The following DIAPH3 variants were observed in gnomAD, a reference collection of about 807,000 sequenced individuals.
The protein encoded by DIAPH3 is diaphanous related formin 3.
In DIAPH3, 117 loss-of-function variants were observed where a neutral mutation model predicts 144.3. The observed-to-expected ratio is 0.81, with a 90% CI of 0.70 to 0.95. DIAPH3 has a LOEUF of 0.95. Among genes scored for constraint, DIAPH3 ranks in the 40% least tolerant of loss-of-function variants. The probability of loss-of-function intolerance (pLI) is 0.00; values close to 1 mark genes in which losing one functional copy is unlikely to be tolerated. For synonymous variants in DIAPH3, 519 were observed against 488.9 expected (o/e 1.06, Z -0.81); for missense variants, 1,421 against 1,412.7 (o/e 1.01, Z -0.09).
intron 21 of DIAPH3, among the ~76,000 whole-genome samples, chr13:59,873,684 T>C (rs556676667): frequency 6.6e-5 from 10 of 150,490 alleles, no homozygotes; most frequent in Non-Finnish European, 1.0e-4. Context: ...TTTCTTTTTT[T>C]TTTTTTTTTT....
chr13:59,839,536 A>G, intron 22 of DIAPH3, 88 bp from the exon 23 acceptor site: 4 of 1,237,338 alleles, frequency 3.2e-6, no homozygotes, highest in Non-Finnish European at 4.5e-6. Flanking sequence ...ATTCATGAAA[A>G]CAACTCACAA....
At chr13:59,818,306 G>A (rs958432958) in intron 24 of DIAPH3, among the ~76,000 whole-genome samples, 18 of 152,032 alleles carry the variant, frequency 1.2e-4, no homozygotes, top group African/African-American at 4.3e-4. Flanking sequence ...TCTACAAATA[G>A]TAGATAATTC....
At chr13:59,757,561 C>T (rs9538511) in intron 27 of DIAPH3, among the ~76,000 whole-genome samples, 38,877 of 151,516 alleles carry the variant, frequency 0.26, 5,308 homozygotes, top group African/African-American at 0.34. Flanking sequence ...CCACCACGCC[C>T]GGCTAATTTT....
chr13:59,962,441 G>A (rs891727732), intron 17 of DIAPH3, among the ~76,000 whole-genome samples: 22 of 152,256 alleles, frequency 1.4e-4, no homozygotes, highest in African/African-American at 5.3e-4. Flanking sequence ...CCATTCAGCC[G>A]CAAGGAGTGC....
At chr13:59,810,390 C>CT (rs138251092) in intron 25 of DIAPH3, among the ~76,000 whole-genome samples, 2 of 152,248 alleles carry the variant, frequency 1.3e-5, no homozygotes, top group Admixed American at 1.3e-4. Context: ...TCCTCCATCA[C>CT]TTTTTTTCCC....
At chr13:59,688,146 T>G (rs1052645165) in intron 27 of DIAPH3, among the ~76,000 whole-genome samples, 3 of 152,068 alleles carry the variant, frequency 2.0e-5, no homozygotes, top group Admixed American at 6.6e-5. Flanking sequence ...AAATGGCTAT[T>G]TTTGAAGGAA....
intron 21 of DIAPH3, among the ~76,000 whole-genome samples, chr13:59,863,562 G>A (rs2043731491): frequency 6.6e-6 from 1 of 152,052 alleles, no homozygotes; most frequent in Non-Finnish European, 1.5e-5. Flanking sequence ...ACTACTTATT[G>A]ATTCAAAAAC....
At chr13:59,926,222 A>C (rs1044647642) in intron 17 of DIAPH3, among the ~76,000 whole-genome samples, 1 of 152,062 alleles carries the variant, frequency 6.6e-6, no homozygotes, top group Non-Finnish European at 1.5e-5. Flanking sequence ...TCCTGCCCTC[A>C]AGTGATCCTC....
Position 59,879,436 on chromosome 13 carries a change from G to C in DIAPH3, c.2400C>G (p.Leu800=). 6.2e-7 allele frequency: 1 copy of C among 1,613,766 alleles called. No individual in the cohort carries two copies. Among genetic ancestry groups the C allele is most frequent in the Non-Finnish European group, 8.5e-7 (1 of 1,179,810 alleles). ...ACTGAAGCTTAAAGAGAATAGCACT[G>C]AGCCGTGGCCGTAGTCTCTTCACAT... is the stretch of plus-strand genomic sequence containing the variant. The part of the protein sequence containing the change: ...MSNVKRLRPR[L]SAILFKLQFE... The change falls in exon 21 of 28, where the codon CTC becomes CTG. Residue 800 remains leucine (L), a synonymous_variant. Coordinates refer to ENST00000400324, the MANE Select transcript of DIAPH3 (RefSeq NM_001042517.2).
intron 2 of DIAPH3, 64 bp downstream of exon 2, chr13:60,132,893 A>G (rs747719205): frequency 8.2e-6 from 11 of 1,339,146 alleles, no homozygotes; most frequent in Non-Finnish European, 1.2e-5. Flanking sequence ...TTAGCAGAGC[A>G]CACCATCAAC....
intron 27 of DIAPH3, among the ~76,000 whole-genome samples, chr13:59,764,411 C>T (rs191710240): frequency 6.6e-6 from 1 of 151,694 alleles, no homozygotes; most frequent in Non-Finnish European, 1.5e-5. Context: ...TTCCTGAGCC[C>T]TCAGAGTCCT....
At chr13:60,032,297 T>C (rs1244504399) in intron 5 of DIAPH3, among the ~76,000 whole-genome samples, 3 of 152,206 alleles carry the variant, frequency 2.0e-5, no homozygotes. Context: ...AGTGCCCCAC[T>C]GGGGACTCTG....
At chr13:59,712,541 C>T (rs573820924) in intron 27 of DIAPH3, among the ~76,000 whole-genome samples, 1 of 152,184 alleles carries the variant, frequency 6.6e-6, no homozygotes. Flanking sequence ...GCCATCGACT[C>T]GGGCCCCCTC....
chr13:60,005,295 G>A (rs1177300372), intron 9 of DIAPH3, among the ~76,000 whole-genome samples: 1 of 152,136 alleles, frequency 6.6e-6, no homozygotes, highest in Non-Finnish European at 1.5e-5. Context: ...TGAAATGTCT[G>A]GAATATGCAA....
intron 27 of DIAPH3, among the ~76,000 whole-genome samples, chr13:59,745,091 GA>G (rs1463126764): frequency 1.3e-5 from 2 of 152,174 alleles, no homozygotes; most frequent in Non-Finnish European, 2.9e-5. Context: ...TAGCCTGCTA[GA>G]AAGGAAGAAT....
At chr13:59,706,059 C>T (rs922009095) in intron 27 of DIAPH3, among the ~76,000 whole-genome samples, 2 of 151,866 alleles carry the variant, frequency 1.3e-5, no homozygotes, top group African/African-American at 4.8e-5. Context: ...TGCTCTAGTC[C>T]TTGATATAAA....
At chr13:59,855,096 A>T (rs1387611268) in intron 22 of DIAPH3, among the ~76,000 whole-genome samples, 1 of 151,732 alleles carries the variant, frequency 6.6e-6, no homozygotes, top group Non-Finnish European at 1.5e-5. Context: ...TTTCTATTCC[A>T]CTCTGCTGCT....
At chr13:59,813,212 C>T (rs2040583173) in intron 24 of DIAPH3, among the ~76,000 whole-genome samples, 1 of 151,840 alleles carries the variant, frequency 6.6e-6, no homozygotes, top group Non-Finnish European at 1.5e-5. Flanking sequence ...TCTCTGACCC[C>T]ACATCCATGA....
intron 27 of DIAPH3, among the ~76,000 whole-genome samples, chr13:59,755,408 G>A (rs983403949): frequency 6.6e-6 from 1 of 152,000 alleles, no homozygotes; most frequent in Non-Finnish European, 1.5e-5. Context: ...GTTGGGCAGG[G>A]GTTAAATGCT....
Sources: allele counts gnomAD v4.1 joint callset (sites outside exome capture counted in the v4.1 genomes callset), GRCh38; gene constraint gnomAD v4.1.1; transcripts MANE v1.5; gene names NCBI Gene and HGNC (gene_info 2026-07-23, HGNC 2026-07-21).